The following SYCP1 variants were observed in gnomAD, a reference collection of about 807,000 sequenced individuals.
SYCP1 encodes cancer/testis antigen 8.
In SYCP1, 64 loss-of-function variants were observed where a neutral mutation model predicts 153.1. The observed-to-expected ratio is 0.42, with a 90% CI of 0.34 to 0.51. The LOEUF (loss-of-function observed/expected upper bound fraction) is 0.51, where lower values mean the gene tolerates loss of function less well. Among genes scored for constraint, SYCP1 ranks in the 20% least tolerant of loss-of-function variants. SYCP1 has a pLI of 0.06. For missense variants in SYCP1, 997 were observed against 1,049.0 expected (o/e 0.95, Z 0.68); for synonymous variants, 384 against 341.8 (o/e 1.12, Z -1.36).
intron 27 of SYCP1, among the ~76,000 whole-genome samples, chr1:114,975,905 T>C (rs1672767094): frequency 6.6e-6 from 1 of 151,784 alleles, no homozygotes; most frequent in Admixed American, 6.6e-5. Flanking sequence ...ATGGGGATTA[T>C]TCCTTTTATT....
chr1:114,911,663 ATAT>A, intron 18 of SYCP1, 81 bp downstream of exon 18: 17 of 581,648 alleles, frequency 2.9e-5, no homozygotes, highest in Middle Eastern at 6.0e-4. Context: ...TTAGTAAATT[ATAT>A]TTAATATTTA....
At chr1:114,993,577 A>G (rs1435826014) in intron 30 of SYCP1, among the ~76,000 whole-genome samples, 2 of 151,546 alleles carry the variant, frequency 1.3e-5, no homozygotes, top group Non-Finnish European at 3.0e-5. Context: ...TAAAATTGTT[A>G]TGAAGATTAA....
intron 27 of SYCP1, among the ~76,000 whole-genome samples, chr1:114,959,102 C>A (rs958927833): frequency 2.0e-5 from 3 of 151,966 alleles, no homozygotes; most frequent in African/African-American, 7.3e-5. Context: ...TGCCCTTTAT[C>A]AAACTGAGAA....
intron 15 of SYCP1, among the ~76,000 whole-genome samples, chr1:114,894,277 A>C (rs1046475920): frequency 2.2e-4 from 33 of 152,114 alleles, no homozygotes; most frequent in Admixed American, 6.5e-5. Context: ...GACTGTGGAC[A>C]ATTATTACAA....
At chr1:114,947,610 G>A (rs528481032) in intron 27 of SYCP1, among the ~76,000 whole-genome samples, 16 of 151,366 alleles carry the variant, frequency 1.1e-4, no homozygotes, top group Non-Finnish European at 1.6e-4. Context: ...TCAGGAGATC[G>A]AGACCATCCT....
intron 8 of SYCP1, among the ~76,000 whole-genome samples, chr1:114,864,389 A>G (rs956335682): frequency 6.6e-6 from 1 of 152,098 alleles, no homozygotes; most frequent in African/African-American, 2.4e-5. Flanking sequence ...CAATCTTTTC[A>G]GGTCACAATA....
chr1:114,887,741 A>G lies in SYCP1; in HGVS notation c.1258+48A>G, dbSNP rs1210722678. 2.5e-6 allele frequency: 3 copies of G among 1,195,696 alleles called. No homozygotes were observed. The African/African-American group carries it at 4.7e-5, about 19-fold the overall frequency. 74.1% of individuals were successfully genotyped at this position (1,195,696 alleles called of 1,614,324 possible). On this transcript the variant is annotated intron_variant, in intron 15 of 31. Transcript: ENST00000369522. ...TGTACTTTAATAATATTAACTTATT[A>G]TAGAATCATAAACACTGTTTTGAAA... is the stretch of plus-strand genomic sequence containing the variant.
intron 20 of SYCP1, among the ~76,000 whole-genome samples, chr1:114,921,103 T>C (rs1322501364): frequency 6.6e-6 from 1 of 152,078 alleles, no homozygotes; most frequent in African/African-American, 2.4e-5. Flanking sequence ...TCTTTGGTGG[T>C]ATATTTTAAT....
At chr1:114,856,939 A>AAAAC (rs1570638410) in intron 3 of SYCP1, among the ~76,000 whole-genome samples, 4 of 146,990 alleles carry the variant, frequency 2.7e-5, no homozygotes, top group Non-Finnish European at 1.5e-5. Flanking sequence ...AAAAAAAAAA[A>AAAAC]AAAAAACCAG....
At chr1:114,968,283 G>A (rs1195185189) in intron 27 of SYCP1, among the ~76,000 whole-genome samples, 1 of 152,160 alleles carries the variant, frequency 6.6e-6, no homozygotes, top group East Asian at 1.9e-4. Context: ...TTTCCAACTT[G>A]GTTCCATTCT....
chr1:114,926,705 T>C (rs1040677142), intron 23 of SYCP1, 142 bp downstream of exon 23: 6 of 659,886 alleles, frequency 9.1e-6, no homozygotes, highest in Middle Eastern at 4.6e-4. Context: ...TGTTATCTTT[T>C]TAAATAGAGG....
chr1:114,895,321 C>T, intron 15 of SYCP1, 127 bp from the exon 16 acceptor site: 1 of 463,526 alleles, frequency 2.2e-6, no homozygotes, highest in Non-Finnish European at 3.9e-6. Flanking sequence ...CTATGCTTTA[C>T]ATTGCTCTAG....
intron 27 of SYCP1, among the ~76,000 whole-genome samples, chr1:114,966,488 A>T (rs1481879325): frequency 6.6e-6 from 1 of 152,122 alleles, no homozygotes; most frequent in Non-Finnish European, 1.5e-5. Context: ...ATTTAGTGCT[A>T]CAAATTTCCC....
intron 30 of SYCP1, among the ~76,000 whole-genome samples, chr1:114,991,834 A>G (rs1369914146): frequency 6.6e-6 from 1 of 151,816 alleles, no homozygotes; most frequent in African/African-American, 2.4e-5. Flanking sequence ...AATAGAAGGC[A>G]TTCAGATGGA....
At chr1:114,864,961 C>T (rs1277194630) in intron 8 of SYCP1, among the ~76,000 whole-genome samples, 3 of 152,108 alleles carry the variant, frequency 2.0e-5, no homozygotes, top group African/African-American at 7.2e-5. Flanking sequence ...GTGCTGCACC[C>T]ATTAACTCGT....
At chr1:114,946,428 A>T in intron 26 of SYCP1, 47 bp downstream of exon 26, 1 of 1,150,146 alleles carries the variant, frequency 8.7e-7, no homozygotes, top group Non-Finnish European at 1.3e-6. Flanking sequence ...TCATAATGTC[A>T]GCAGTGACTG....
chr1:114,876,720 T>C lies in SYCP1; in HGVS notation c.728-17T>C. 8.0e-7 allele frequency: 1 copy of C among 1,247,858 alleles called. No homozygotes were observed. Among genetic ancestry groups the C allele is most frequent in the Non-Finnish European group, 1.1e-6 (1 of 942,102 alleles). 77.3% of individuals were successfully genotyped at this position (1,247,858 alleles called of 1,614,324 possible). On this transcript the variant is annotated splice_polypyrimidine_tract_variant and intron_variant, in intron 10 of 31. Coordinates refer to ENST00000369522, the MANE Select transcript of SYCP1 (RefSeq NM_003176.4). ...ATTATGTTATGACATTACAGTATATTTGTTTTATTTTTAAAGTAAAGGAAG... is the reference window on the plus strand; with the variant it reads ...ATTATGTTATGACATTACAGTATATCTGTTTTATTTTTAAAGTAAAGGAAG...
chr1:114,914,934 C>T (rs7524600), intron 20 of SYCP1, among the ~76,000 whole-genome samples: 4,030 of 152,112 alleles, frequency 0.026, 214 homozygotes, highest in African/African-American at 0.093. Context: ...CACACACATG[C>T]ACACACACAG....
intron 21 of SYCP1, among the ~76,000 whole-genome samples, chr1:114,926,049 G>A (rs965247768): frequency 6.6e-6 from 1 of 152,032 alleles, no homozygotes; most frequent in Admixed American, 6.6e-5. Context: ...TGGGGTGAGA[G>A]GATCACTTGA....
Sources: allele counts gnomAD v4.1 joint callset (sites outside exome capture counted in the v4.1 genomes callset), GRCh38; gene constraint gnomAD v4.1.1; transcripts MANE v1.5; gene names NCBI Gene and HGNC (gene_info 2026-07-23, HGNC 2026-07-21).